Variants in PGAP4 observed in about 807,000 individuals in gnomAD.
PGAP4 encodes GPI-N-acetylgalactosamine transferase PGAP4.
Under a neutral mutation model 28.2 loss-of-function variants are expected in PGAP4, and 12 were observed. That is an observed-to-expected ratio of 0.42 (90% CI 0.27 to 0.69). The LOEUF is 0.69. Ranked by LOEUF, PGAP4 falls within the 30% of genes least tolerant of loss-of-function variation. PGAP4 has a pLI of 0.22. For synonymous variants in PGAP4, 205 were observed against 211.8 expected (o/e 0.97, Z 0.28); for missense variants, 425 against 513.5 (o/e 0.83, Z 1.67).
At chr9:101,485,983 ATG>A (rs1005762178) in intron 1 of PGAP4, among the ~76,000 whole-genome samples, 29 of 152,036 alleles carry the variant, frequency 1.9e-4, no homozygotes, top group Admixed American at 7.2e-4. Context: ...ACACACCCGC[ATG>A]TGTTGCTAAT....
intron 2 of PGAP4, among the ~76,000 whole-genome samples, chr9:101,519,728 G>A (rs958144337): frequency 2.0e-5 from 3 of 151,142 alleles, no homozygotes; most frequent in Non-Finnish European, 4.4e-5. Flanking sequence ...TATAAGTTTA[G>A]GTCCCAGCTA....
chr9:101,517,699 C>G (rs1826954003), intron 2 of PGAP4, among the ~76,000 whole-genome samples: 1 of 151,848 alleles, frequency 6.6e-6, no homozygotes. Flanking sequence ...ACTATTGGGG[C>G]CCTAGCTTTT....
At chr9:101,530,040 C>A (rs1339369125) in intron 2 of PGAP4, among the ~76,000 whole-genome samples, 5 of 152,114 alleles carry the variant, frequency 3.3e-5, no homozygotes, top group African/African-American at 7.2e-5. Flanking sequence ...CAATCCAATC[C>A]AGATTTCATG....
intron 2 of PGAP4, among the ~76,000 whole-genome samples, chr9:101,513,780 C>T (rs1380689160): frequency 6.6e-6 from 1 of 152,098 alleles, no homozygotes; most frequent in East Asian, 1.9e-4. Flanking sequence ...TCTCTGCAAG[C>T]TCAAGACCCT....
chr9:101,481,040 G>A (rs1231490967), intron 1 of PGAP4, among the ~76,000 whole-genome samples: 1 of 152,166 alleles, frequency 6.6e-6, no homozygotes, highest in Non-Finnish European at 1.5e-5. Flanking sequence ...AGCCAGGCAT[G>A]GTAGCATGTT....
intron 1 of PGAP4, chr9:101,531,686 G>A (rs1827091581): frequency 6.6e-6 from 1 of 152,196 alleles, no homozygotes; most frequent in Non-Finnish European, 1.5e-5. Context: ...CTTGGAGATT[G>A]GGGTGAAATC....
rs1826224159 is a variant in PGAP4 at position 101,473,923 on chromosome 9, C to T, written c.*1958G>A. 1 of 152,122 alleles carries T rather than the reference C, an allele frequency of 6.6e-6. No homozygotes were observed. The highest frequency in any genetic ancestry group is 2.1e-4 in the South Asian group (1 of 4,820). 9.4% of individuals were successfully genotyped at this position (152,122 alleles called of 1,614,324 possible). Reference sequence around the variant, plus strand: ...ATAAGTCATCTAGTAGCTCTGATCACTTTGGACATTGCTGGGGGATACATA... The same window carrying T: ...ATAAGTCATCTAGTAGCTCTGATCATTTTGGACATTGCTGGGGGATACATA... On this transcript the variant is annotated 3_prime_UTR_variant, in exon 2 of 2. Transcript: ENST00000374848.
At chr9:101,517,502 G>C (rs919319458) in intron 2 of PGAP4, among the ~76,000 whole-genome samples, 3 of 152,086 alleles carry the variant, frequency 2.0e-5, no homozygotes, top group African/African-American at 7.2e-5. Context: ...AAGATATCAA[G>C]TTTTAAAAAC....
chr9:101,525,158 T>C lies in PGAP4; in HGVS notation c.-165+6190A>G, dbSNP rs141891984. Among the ~76,000 whole-genome samples the C allele has an allele frequency of 1.0e-3, 156 of 152,354 alleles. 2 individuals are homozygous for C. The highest frequency in any genetic ancestry group is 6.7e-3 in the Admixed American group (103 of 15,302). Reference sequence around the variant, plus strand: ...ATGGGATTGCTGGGTCAAATAGTAGTTGTTTTTTAAGTTCTTTGAGAAATC... The same window carrying C: ...ATGGGATTGCTGGGTCAAATAGTAGCTGTTTTTTAAGTTCTTTGAGAAATC... On this transcript the variant is annotated intron_variant, in intron 2 of 3. Coordinates refer to the PGAP4 transcript ENST00000374851.
At chr9:101,517,148 G>T (rs1435263735) in intron 2 of PGAP4, among the ~76,000 whole-genome samples, 2 of 152,116 alleles carry the variant, frequency 1.3e-5, no homozygotes, top group African/African-American at 4.8e-5. Flanking sequence ...AATGAGGACT[G>T]TTTGTATATA....
chr9:101,506,874 T>C (rs961300744), intron 2 of PGAP4, among the ~76,000 whole-genome samples: 7 of 152,098 alleles, frequency 4.6e-5, no homozygotes, highest in Non-Finnish European at 1.0e-4. Context: ...GTCTTCCCTG[T>C]AAAAACCTAA....
intron 2 of PGAP4, among the ~76,000 whole-genome samples, chr9:101,519,684 TAC>T (rs1326038856): frequency 1.3e-5 from 2 of 150,978 alleles, no homozygotes; most frequent in Non-Finnish European, 2.9e-5. Flanking sequence ...TACATATATA[TAC>T]ACACACAGAC....
At chr9:101,506,665 A>G (rs1826851274) in intron 2 of PGAP4, among the ~76,000 whole-genome samples, 1 of 152,066 alleles carries the variant, frequency 6.6e-6, no homozygotes. Context: ...TCAGTGGCAT[A>G]TTGGCCATGT....
At chr9:101,519,664 T>TATAC (rs1826970985) in intron 2 of PGAP4, among the ~76,000 whole-genome samples, 1 of 150,642 alleles carries the variant, frequency 6.6e-6, no homozygotes, top group Non-Finnish European at 1.5e-5. Context: ...TACATATATA[T>TATAC]ATACACACAT....
chr9:101,509,945 T>C (rs1488289791), intron 2 of PGAP4, among the ~76,000 whole-genome samples: 1 of 152,174 alleles, frequency 6.6e-6, no homozygotes, highest in Non-Finnish European at 1.5e-5. Context: ...AAGACTTGAA[T>C]AGTTCTGCAG....
chr9:101,491,042 T>C (rs766108063), upstream of PGAP4, among the ~76,000 whole-genome samples: 2 of 152,194 alleles, frequency 1.3e-5, no homozygotes, highest in Non-Finnish European at 2.9e-5. Context: ...CACCATTTAA[T>C]AATACCAGCT....
intron 2 of PGAP4, among the ~76,000 whole-genome samples, chr9:101,514,877 A>G (rs1826930319): frequency 6.6e-6 from 1 of 152,136 alleles, no homozygotes; most frequent in South Asian, 2.1e-4. Flanking sequence ...GTATGTATAT[A>G]GGATCTGTTG....
At chr9:101,491,678 C>G (rs886963989), upstream of PGAP4, among the ~76,000 whole-genome samples, 2 of 150,502 alleles carry the variant, frequency 1.3e-5, no homozygotes, top group Non-Finnish European at 3.0e-5. Flanking sequence ...TGGGGCTTCT[C>G]TAGGTATTTT....
intron 2 of PGAP4, among the ~76,000 whole-genome samples, chr9:101,497,979 T>C (rs779184552): frequency 2.0e-5 from 3 of 151,870 alleles, no homozygotes; most frequent in Non-Finnish European, 4.4e-5. Context: ...TTGTAAAAGA[T>C]AGTTGGATCC....
Sources: gnomAD v4.1 joint callset for allele counts (sites outside exome capture counted in the v4.1 genomes callset) on GRCh38, gnomAD v4.1.1 for gene constraint, MANE v1.5 for transcripts, NCBI Gene and HGNC (gene_info 2026-07-23, HGNC 2026-07-21) for gene names.